The following DDX10 variants were observed in gnomAD, a reference collection of about 807,000 sequenced individuals.
DDX10 encodes the protein DEAD-box helicase 10, also known as probable ATP-dependent RNA helicase DDX10.
A neutral mutation model predicts 104.3 loss-of-function variants in DDX10; 74 were observed. The observed-to-expected ratio is 0.71, with a 90% CI of 0.59 to 0.86. The LOEUF (loss-of-function observed/expected upper bound fraction) is 0.86. Among genes scored for constraint, DDX10 ranks in the 40% least tolerant of loss-of-function variants. The pLI is 0.00. For synonymous variants in DDX10, 351 were observed against 353.4 expected (o/e 0.99, Z 0.08); for missense variants, 952 against 1,040.0 (o/e 0.92, Z 1.16).
intron 6 of DDX10, among the ~76,000 whole-genome samples, chr11:108,687,239 G>A (rs1185547649): frequency 2.0e-5 from 3 of 152,194 alleles, no homozygotes; most frequent in African/African-American, 7.2e-5. Flanking sequence ...CATCTAATAA[G>A]TGTGAAGTGA....
At chr11:108,873,358 A>C (rs2134625438) in intron 16 of DDX10, among the ~76,000 whole-genome samples, 1 of 152,296 alleles carries the variant, frequency 6.6e-6, no homozygotes, top group Non-Finnish European at 1.5e-5. Flanking sequence ...AACAAAAGTT[A>C]CAATCTATTC....
At chr11:108,868,012 C>G (rs1863029450) in intron 16 of DDX10, among the ~76,000 whole-genome samples, 1 of 152,044 alleles carries the variant, frequency 6.6e-6, no homozygotes, top group Admixed American at 6.6e-5. Flanking sequence ...TGAGGAAACT[C>G]CTAGTTTTCT....
chr11:108,821,124 A>G lies in DDX10; in HGVS notation c.1966-17322A>G, dbSNP rs547653209. On this transcript the variant is annotated intron_variant, in intron 13 of 17. Coordinates refer to ENST00000322536, the MANE Select transcript of DDX10 (RefSeq NM_004398.4). ...GAGTGTTTCAGAGGGATGAAGTAAA[A>G]GAAGATTTTAAAACTACAAGTAGAG... Among the ~76,000 whole-genome samples, 11 of 152,316 alleles carry G rather than the reference A, an allele frequency of 7.2e-5. No homozygotes were observed. In the South Asian group the frequency reaches 2.3e-3, roughly 32 times the overall value.
At chr11:108,676,951 T>A in intron 3 of DDX10, 134 bp from the exon 4 acceptor site, 1 of 709,832 alleles carries the variant, frequency 1.4e-6, no homozygotes. Context: ...ATCATTTACT[T>A]TGGACTGGAT....
intron 6 of DDX10, among the ~76,000 whole-genome samples, chr11:108,685,739 T>TA (rs2094243024): frequency 6.6e-6 from 1 of 152,208 alleles, no homozygotes; most frequent in African/African-American, 2.4e-5. Context: ...AAGCCTCATT[T>TA]AAAAAATATG....
chr11:108,694,363 G>A (rs2134452217), intron 9 of DDX10, among the ~76,000 whole-genome samples: 1 of 152,294 alleles, frequency 6.6e-6, no homozygotes, highest in South Asian at 2.1e-4. Context: ...AACCCAGGCA[G>A]TCTGGCTTAT....
At chr11:108,805,458 A>T (rs141852179) in intron 13 of DDX10, among the ~76,000 whole-genome samples, 111 of 152,386 alleles carry the variant, frequency 7.3e-4, no homozygotes, top group African/African-American at 2.5e-3. Context: ...GAATAAGCAT[A>T]TACAGAAGAT....
At chr11:108,821,974 A>G (rs1279344440) in intron 13 of DDX10, among the ~76,000 whole-genome samples, 1 of 152,234 alleles carries the variant, frequency 6.6e-6, no homozygotes, top group Non-Finnish European at 1.5e-5. Context: ...GAATTTCACC[A>G]GTATTTCAAT....
intron 17 of DDX10, among the ~76,000 whole-genome samples, chr11:108,928,396 A>G (rs1364434986): frequency 6.6e-6 from 1 of 152,214 alleles, no homozygotes; most frequent in Non-Finnish European, 1.5e-5. Flanking sequence ...GGTGTGAGAT[A>G]TGAATTACAT....
intron 6 of DDX10, among the ~76,000 whole-genome samples, chr11:108,684,220 TTAGGG>T (rs1416619342): frequency 6.7e-6 from 1 of 148,950 alleles, no homozygotes; most frequent in African/African-American, 2.5e-5. Flanking sequence ...CTCTTAAGTT[TTAGGG>T]TACATGTGCA....
rs569248327 is a variant in DDX10 at position 108,924,129 on chromosome 11, C to T, written c.2450+6111C>T. Reference sequence around the variant, plus strand: ...TTAAATACAATGAAAAAGAAACAGCCGGATGTTCCAGATGTTCATTATCCA... The same window carrying T: ...TTAAATACAATGAAAAAGAAACAGCTGGATGTTCCAGATGTTCATTATCCA... On this transcript the variant is annotated intron_variant, in intron 17 of 17. Coordinates refer to ENST00000322536, the MANE Select transcript of DDX10 (RefSeq NM_004398.4). 4.9e-4 allele frequency among the ~76,000 whole-genome samples: 74 copies of T among 151,760 alleles called. 1 individual carries two copies. Among genetic ancestry groups the T allele is most frequent in the South Asian group, 2.3e-3 (11 of 4,788 alleles).
chr11:108,688,010 G>A (rs151282937), intron 6 of DDX10, among the ~76,000 whole-genome samples: 37 of 152,238 alleles, frequency 2.4e-4, no homozygotes, highest in African/African-American at 8.9e-4. Flanking sequence ...TTAACAGTGT[G>A]TCCTAGACAT....
intron 13 of DDX10, among the ~76,000 whole-genome samples, chr11:108,801,028 A>G (rs554584753): frequency 3.9e-5 from 6 of 152,294 alleles, no homozygotes; most frequent in African/African-American, 9.6e-5. Flanking sequence ...GAACCAGACT[A>G]CTCAGATACA....
intron 16 of DDX10, among the ~76,000 whole-genome samples, chr11:108,865,902 TA>T (rs1863003109): frequency 6.6e-6 from 1 of 152,190 alleles, no homozygotes; most frequent in African/African-American, 2.4e-5. Flanking sequence ...GGGAGTTGTC[TA>T]CATATGTAAT....
intron 16 of DDX10, among the ~76,000 whole-genome samples, chr11:108,886,359 G>C (rs997257052): frequency 6.6e-6 from 1 of 152,144 alleles, no homozygotes; most frequent in Non-Finnish European, 1.5e-5. Flanking sequence ...CCAGAGCTAG[G>C]GTTCAAACTC....
At chr11:108,759,917 G>A (rs1472769337) in intron 13 of DDX10, among the ~76,000 whole-genome samples, 1 of 151,534 alleles carries the variant, frequency 6.6e-6, no homozygotes, top group Non-Finnish European at 1.5e-5. Context: ...TGTGTGGAAT[G>A]TGTTTTCTTA....
chr11:108,886,572 A>G (rs1863298548), intron 16 of DDX10, among the ~76,000 whole-genome samples: 1 of 152,214 alleles, frequency 6.6e-6, no homozygotes, highest in Admixed American at 6.5e-5. Flanking sequence ...TTGAAAATCC[A>G]TCCTCATTTG....
rs142847002 is a variant in DDX10, at chr11:108,689,852, C to A, written c.975+790C>A. 4.0e-3 allele frequency among the ~76,000 whole-genome samples: 615 copies of A among 152,294 alleles called. 3 individuals are homozygous for A. Among genetic ancestry groups the A allele is most frequent in the Admixed American group, 6.1e-3 (94 of 15,310 alleles). On this transcript the variant is annotated intron_variant, in intron 7 of 17. Transcript: ENST00000322536. ...CCATGATAAATATGTAGATGGGTTT[C>A]TCTCTAGCTTATGGGAAGTTAAGTG...
chr11:108,712,589 C>T (rs376999639), intron 10 of DDX10, among the ~76,000 whole-genome samples: 4 of 152,024 alleles, frequency 2.6e-5, no homozygotes, highest in East Asian at 1.9e-4. Flanking sequence ...ATTTCTCCCT[C>T]GTGTCCCTTA....
Sources: gnomAD v4.1 joint callset for allele counts (sites outside exome capture counted in the v4.1 genomes callset) on GRCh38, gnomAD v4.1.1 for gene constraint, MANE v1.5 for transcripts, NCBI Gene and HGNC (gene_info 2026-07-23, HGNC 2026-07-21) for gene names.